Variants in MOCS1 observed in about 807,000 individuals in gnomAD.
MOCS1 encodes molybdenum cofactor biosynthesis protein 1.
In MOCS1, 39 loss-of-function variants were observed where a neutral mutation model predicts 57.6. The ratio of observed to expected loss-of-function variants is 0.68; its 90% CI spans 0.52 to 0.88. The LOEUF (loss-of-function observed/expected upper bound fraction) is 0.88. Ranked by LOEUF, MOCS1 falls within the 40% of genes least tolerant of loss-of-function variation. The pLI is 0.00. For missense variants in MOCS1, 795 were observed against 831.1 expected, an observed-to-expected ratio of 0.96 and a Z score of 0.53; for synonymous variants, 334 against 335.7, an observed-to-expected ratio of 1.00 and a Z score of 0.05.
chr6:39,909,991 C>A, intron 8 of MOCS1, 36 bp from the exon 9 acceptor site: 2 of 1,609,960 alleles, frequency 1.2e-6, no homozygotes, highest in South Asian at 1.1e-5. Flanking sequence ...CTTCCTTACC[C>A]CTGAGCCTTG....
chr6:39,909,061 G>A lies in MOCS1; in HGVS notation c.1144C>T (p.Leu382Phe), dbSNP rs1442149050. 6.2e-7 allele frequency: 1 copy of A among 1,612,248 alleles called. No homozygotes were observed. Among genetic ancestry groups the A allele is most frequent in the Admixed American group, 1.7e-5 (1 of 59,836 alleles). Residue 382 changes from leucine (L) to phenylalanine (F), a missense_variant, in exon 10 of 11, where the codon CTC (leucine) becomes TTC (phenylalanine). Physicochemically the swap from Leu to Phe is conservative, Grantham distance 22. Coordinates refer to ENST00000340692, the MANE Select transcript of MOCS1 (RefSeq NM_001358530.2). ...GTACTGATGGGTCACCCACCGATGA[G>A]GATCATGGGCCGGTTCTTCATCTGG... Reference protein sequence around the residue: ...ISQMKNRPMILIELFLMFPNS... With the variant: ...ISQMKNRPMIFIELFLMFPNS...
intron 6 of MOCS1, 97 bp downstream of exon 6, chr6:39,913,220 G>T: frequency 7.4e-6 from 8 of 1,075,144 alleles, no homozygotes; most frequent in Non-Finnish European, 1.2e-5. Context: ...TAGACTCACT[G>T]CCCCTGAGGT....
At position 39,916,240 on chromosome 6, in the gene MOCS1, G is replaced by A. The variant is rs904061070; in HGVS notation, c.419-8C>T. Reference sequence around the variant, plus strand: ...CCAGCCGCTGGAGCTGGGCTGTAAGGACAACAGAAAGGGGGTCAGACTGCT... The same window carrying A: ...CCAGCCGCTGGAGCTGGGCTGTAAGAACAACAGAAAGGGGGTCAGACTGCT... On this transcript the variant is annotated splice_region_variant and splice_polypyrimidine_tract_variant and intron_variant, in intron 3 of 10. Coordinates refer to ENST00000340692, the MANE Select transcript of MOCS1 (RefSeq NM_001358530.2). 14 of 1,613,272 alleles carry A rather than the reference G, an allele frequency of 8.7e-6. No homozygotes were observed. Among genetic ancestry groups the A allele is most frequent in the Non-Finnish European group, 1.0e-5 (12 of 1,180,020 alleles).
rs1011995515 is a variant in MOCS1 at position 39,919,987 on chromosome 6, A to G, written c.419-3755T>C. Among the ~76,000 whole-genome samples the G allele has an allele frequency of 2.6e-5, 4 of 152,216 alleles. No homozygotes were observed. In the South Asian group the frequency reaches 8.3e-4, roughly 31 times the overall value. ...TAAATTCAAGAACTGCTACTGATCA[A>G]AAACAATCATTACACATGGTGTAAC... On this transcript the variant is annotated intron_variant, in intron 3 of 10. Transcript: ENST00000340692.
In MOCS1 at chr6:39,905,883, G is replaced by GAGA. The variant is rs1431837960; in HGVS notation, c.*471_*473dup. 1.1e-5 allele frequency: 5 copies of GAGA among 469,718 alleles called. No individual in the cohort carries two copies. In the East Asian group the frequency reaches 2.8e-4, roughly 26 times the overall value. The allele number at this position is 469,718 out of a possible 1,614,324, so 29.1% of individuals were successfully genotyped here. ...GACTTAGGGAGGCAGAGCTGCCGGG[G>GAGA]AGAAGTTGGGATCCATTCTTCAGGC... is the stretch of plus-strand genomic sequence containing the variant. On this transcript the variant is annotated 3_prime_UTR_variant, in exon 11 of 11. Transcript: ENST00000340692.
In MOCS1 at chr6:39,905,506, GTCTTCATTCTTGCA is replaced by G. The variant is rs1562079410; in HGVS notation, c.*837_*850del. The G allele has an allele frequency of 2.1e-6, 1 of 471,180 alleles. No individual in the cohort carries two copies. Among genetic ancestry groups the G allele is most frequent in the South Asian group, 1.5e-5 (1 of 64,572 alleles). The allele number at this position is 471,180 out of a possible 1,614,324, so 29.2% of individuals were successfully genotyped here. A position where few individuals can be genotyped will look rare whatever the true frequency, so the allele number is the denominator to read the frequency against. Reference sequence around the variant, plus strand: ...CAGCTCAGTGCCCTACCCACACAGTGTCTTCATTCTTGCATCTGCAAAGTTGGCATCGTAGCTTT... The same window carrying G: ...CAGCTCAGTGCCCTACCCACACAGTGTCTGCAAAGTTGGCATCGTAGCTTT... On this transcript the variant is annotated 3_prime_UTR_variant, in exon 11 of 11. Transcript: ENST00000340692.
chr6:39,931,362 C>T (rs903944043), intron 1 of MOCS1, among the ~76,000 whole-genome samples: 4 of 149,746 alleles, frequency 2.7e-5, no homozygotes, highest in African/African-American at 7.5e-5. Flanking sequence ...CAGGGTTATT[C>T]GAGAGGAAAA....
At chr6:39,923,532 C>G (rs1158243555) in intron 3 of MOCS1, among the ~76,000 whole-genome samples, 1 of 152,274 alleles carries the variant, frequency 6.6e-6, no homozygotes, top group African/African-American at 2.4e-5. Flanking sequence ...CACAAGGCGG[C>G]CCATGCCCGC....
intron 1 of MOCS1, 115 bp downstream of exon 1, chr6:39,934,180 G>A (rs2149429182): frequency 1.5e-6 from 2 of 1,337,618 alleles, no homozygotes; most frequent in South Asian, 3.1e-5. Flanking sequence ...GAGTGCCAAC[G>A]GGTCCCTCCC....
At chr6:39,907,875 C>A (rs1220806144) in intron 10 of MOCS1, among the ~76,000 whole-genome samples, 1 of 152,220 alleles carries the variant, frequency 6.6e-6, no homozygotes, top group Non-Finnish European at 1.5e-5. Flanking sequence ...GAGGCCCTGT[C>A]CTAGGCAACT....
At position 39,904,855 on chromosome 6, in the gene MOCS1, T is replaced by C. The variant is rs966816102; in HGVS notation, c.*1502A>G. On this transcript the variant is annotated 3_prime_UTR_variant, in exon 11 of 11. Coordinates refer to ENST00000340692, the MANE Select transcript of MOCS1 (RefSeq NM_001358530.2). ...GTAATACTAAAAAATATTAAATTCATACCATCCCTACCCAGTCTGCCTTTA... is the reference window on the plus strand; with the variant it reads ...GTAATACTAAAAAATATTAAATTCACACCATCCCTACCCAGTCTGCCTTTA... 2.4e-5 allele frequency: 11 copies of C among 453,996 alleles called. 2 individuals carry two copies. Among genetic ancestry groups the C allele is most frequent in the African/African-American group, 1.2e-4 (6 of 50,004 alleles). The allele number at this position is 453,996 out of a possible 1,614,324, so 28.1% of individuals were successfully genotyped here. A position where few individuals can be genotyped will look rare whatever the true frequency, so the allele number is the denominator to read the frequency against.
In MOCS1 at chr6:39,906,380, G is replaced by A. The variant is rs745903344; in HGVS notation, c.1888C>T (p.Arg630Trp). 4.8e-5 allele frequency: 76 copies of A among 1,596,488 alleles called. No homozygotes were observed. The highest frequency in any genetic ancestry group is 1.7e-4 in the South Asian group (15 of 89,664). Residue 630 changes from arginine to tryptophan, a missense_variant, in exon 11 of 11, where the codon CGG (arginine) becomes TGG (tryptophan). By Grantham distance (101) the Arg-to-Trp change is moderately radical (BLOSUM62 -3). Coordinates refer to ENST00000340692, the MANE Select transcript of MOCS1 (RefSeq NM_001358530.2). ...IKLISKTGGQ[R>W]GDFHRA ...TGCTAAGCCCGATGGAAGTCCCCCC[G>A]CTGACCACCAGTCTTGCTAATGAGC...
Position 39,910,291 on chromosome 6 carries a change from T to C in MOCS1, c.982-336A>G, listed in dbSNP as rs113395993. On this transcript the variant is annotated intron_variant, in intron 8 of 10. Transcript: ENST00000340692. ...GAGACACTTGCTGGAATGGCCACTT[T>C]ATCACCATGAGAATGGCCCCCAACC... is the stretch of plus-strand genomic sequence containing the variant. 8.3e-3 allele frequency among the ~76,000 whole-genome samples: 1,259 copies of C among 152,334 alleles called. 11 individuals carry two copies. Among genetic ancestry groups the C allele is most frequent in the Middle Eastern group, 0.02 (6 of 294 alleles).
At chr6:39,918,806 T>C (rs990898470) in intron 3 of MOCS1, among the ~76,000 whole-genome samples, 4 of 152,010 alleles carry the variant, frequency 2.6e-5, no homozygotes, top group South Asian at 4.2e-4. Flanking sequence ...ACATTCTTTC[T>C]GCTTTTCTGA....
intron 3 of MOCS1, among the ~76,000 whole-genome samples, chr6:39,920,427 G>GTA (rs1270393229): frequency 6.6e-6 from 1 of 152,092 alleles, no homozygotes; most frequent in Non-Finnish European, 1.5e-5. Context: ...TAGAGAAACT[G>GTA]TATACCAAGA....
intron 3 of MOCS1, among the ~76,000 whole-genome samples, chr6:39,920,945 C>T (rs1767929844): frequency 6.6e-6 from 1 of 150,478 alleles, no homozygotes; most frequent in Non-Finnish European, 1.5e-5. Context: ...CACTGCACTC[C>T]AGCCCGGGCA....
At chr6:39,931,260 A>AG (rs1165023952) in intron 1 of MOCS1, among the ~76,000 whole-genome samples, 1 of 152,188 alleles carries the variant, frequency 6.6e-6, no homozygotes, top group Non-Finnish European at 1.5e-5. Flanking sequence ...CCTGCCCTCA[A>AG]GGTGCCCTCC....
intron 1 of MOCS1, among the ~76,000 whole-genome samples, chr6:39,933,855 C>G (rs1246539890): frequency 1.3e-5 from 2 of 152,060 alleles, no homozygotes; most frequent in African/African-American, 4.8e-5. Flanking sequence ...TTGGTGACAC[C>G]GAGGTGACAT....
At position 39,927,400 on chromosome 6, in the gene MOCS1, A is replaced by G. The variant is rs1407797725; in HGVS notation, c.179T>C (p.Phe60Ser). 1 of 1,612,700 alleles carries G rather than the reference A, an allele frequency of 6.2e-7. No homozygotes were observed. Among genetic ancestry groups the G allele is most frequent in the Non-Finnish European group, 8.5e-7 (1 of 1,179,890 alleles). ...CTGCCGGCCGAAGCTGTCTGTGAGG[A>G]AGGCGGAGAAGGGGGCCGCATGCTC... ...LREHAAPFSAFLTDSFGRQHS... is the reference protein window; with the variant it reads ...LREHAAPFSASLTDSFGRQHS... Residue 60 changes from phenylalanine (F) to serine (S), a missense_variant, in exon 2 of 11, where the codon TTC (phenylalanine) becomes TCC (serine). Phe to Ser is a radical substitution (Grantham distance 155). Around this residue, in one of 3 missense-constraint regions of MOCS1, gnomAD observed 416 missense variants for 392.4 expected, o/e 1.06. Coordinates refer to ENST00000340692, the MANE Select transcript of MOCS1 (RefSeq NM_001358530.2).
Sources: allele counts gnomAD v4.1 joint callset (sites outside exome capture counted in the v4.1 genomes callset), GRCh38; gene constraint gnomAD v4.1.1; regional missense constraint gnomAD v4.1.1; transcripts MANE v1.5; gene names NCBI Gene and HGNC (gene_info 2026-07-23, HGNC 2026-07-21).